FAM114A2: variants seen among roughly 807,000 people sequenced by gnomAD.
FAM114A2 encodes family with sequence similarity 114 member A2.
Under a neutral mutation model 58.4 loss-of-function variants are expected in FAM114A2, and 53 were observed. That is an observed-to-expected ratio of 0.91 (90% CI 0.73 to 1.14). The LOEUF is 1.14. FAM114A2 is among the 50% of genes most tolerant of loss of function. The pLI is 0.00. For missense variants in FAM114A2, 601 were observed against 581.1 expected (o/e 1.03, Z -0.35); for synonymous variants, 228 against 211.4 (o/e 1.08, Z -0.68).
At chr5:154,004,634 A>G (rs1315924149) in intron 9 of FAM114A2, among the ~76,000 whole-genome samples, 4 of 152,152 alleles carry the variant, frequency 2.6e-5, no homozygotes, top group Non-Finnish European at 5.9e-5. Context: ...CAGTTACCTG[A>G]GCCAAAATAT....
chr5:153,990,438 TGCC>T lies in FAM114A2; in HGVS notation c.*2535_*2537del, dbSNP rs1769209365. The T allele has an allele frequency of 6.6e-6, 1 of 150,768 alleles. No individual in the cohort carries two copies. The highest frequency in any genetic ancestry group is 6.6e-5 in the Admixed American group (1 of 15,106). The allele number at this position is 150,768 out of a possible 1,614,324, so 9.3% of individuals were successfully genotyped here. ...AGCACTGATTTCAGATTCATAGTAA[TGCC>T]ATCTATAAAAATTACAATTTCACAT... On this transcript the variant is annotated 3_prime_UTR_variant, in exon 14 of 14. Coordinates refer to ENST00000351797, the MANE Select transcript of FAM114A2 (RefSeq NM_018691.4).
chr5:153,995,047 A>AAC lies in FAM114A2; in HGVS notation c.1330-77_1330-76dup, dbSNP rs58913088. The AAC allele has an allele frequency of 4.2e-3, 3,606 of 863,076 alleles. 80 individuals carry two copies. In the African/African-American group the frequency reaches 0.052, roughly 13 times the overall value. 53.5% of individuals were successfully genotyped at this position (863,076 alleles called of 1,614,324 possible). A position where few individuals can be genotyped will look rare whatever the true frequency, so the allele number is the denominator to read the frequency against. ...TAAGTGGAGTACGATCACACTTTAAAACACACACACACACCCATACATAAA... is the reference window on the plus strand; with the variant it reads ...TAAGTGGAGTACGATCACACTTTAAAACACACACACACACACCCATACATAAA... On this transcript the variant is annotated intron_variant, in intron 12 of 13. Coordinates refer to ENST00000351797, the MANE Select transcript of FAM114A2 (RefSeq NM_018691.4).
At chr5:154,011,406 G>C in intron 8 of FAM114A2, 86 bp from the exon 9 acceptor site, 1 of 805,646 alleles carries the variant, frequency 1.2e-6, no homozygotes, top group Non-Finnish European at 2.1e-6. Context: ...GGAGAGGAGT[G>C]GTAATAGCAG....
chr5:154,003,368 G>A (rs1310293089), intron 9 of FAM114A2, among the ~76,000 whole-genome samples: 2 of 151,704 alleles, frequency 1.3e-5, no homozygotes, highest in African/African-American at 4.8e-5. Context: ...TAGTAGAGAC[G>A]GGGTTTCGCC....
chr5:154,003,027 G>C (rs927226884), intron 9 of FAM114A2, 58 bp from the exon 10 acceptor site: 7 of 1,523,422 alleles, frequency 4.6e-6, no homozygotes, highest in Middle Eastern at 3.4e-4. Context: ...AAATTACTGT[G>C]CACCTACCAG....
intron 1 of FAM114A2, chr5:154,036,184 C>A (rs541020053): frequency 3.5e-4 from 54 of 152,230 alleles, no homozygotes; most frequent in African/African-American, 1.3e-3. Flanking sequence ...TATAATTTAT[C>A]AATTTTTCCT....
chr5:154,028,014 C>A, intron 6 of FAM114A2, 135 bp downstream of exon 6: 4 of 690,856 alleles, frequency 5.8e-6, no homozygotes, highest in Non-Finnish European at 9.6e-6. Flanking sequence ...CATCCCTGAT[C>A]CCCCCAAAAA....
chr5:154,036,791 T>C (rs1334600707), intron 1 of FAM114A2: 1 of 152,236 alleles, frequency 6.6e-6, no homozygotes, highest in Non-Finnish European at 1.5e-5. Flanking sequence ...CAGATGTTTT[T>C]ATTTGGCCTG....
At chr5:154,016,072 C>A (rs898457997) in intron 8 of FAM114A2, among the ~76,000 whole-genome samples, 2 of 151,802 alleles carry the variant, frequency 1.3e-5, no homozygotes, top group African/African-American at 4.8e-5. Flanking sequence ...CCAACAAAGA[C>A]AAAAGAAAAA....
intron 2 of FAM114A2, among the ~76,000 whole-genome samples, 172 bp downstream of exon 2, chr5:154,034,572 C>G (rs908063204): frequency 6.6e-6 from 1 of 152,052 alleles, no homozygotes; most frequent in African/African-American, 2.4e-5. Flanking sequence ...ATAGCAAAAG[C>G]AATTATTCAT....
intron 13 of FAM114A2, 110 bp from the exon 14 acceptor site, chr5:153,993,220 T>G: frequency 2.2e-4 from 178 of 815,246 alleles, no homozygotes; most frequent in Non-Finnish European, 2.9e-4. Context: ...ACTGAATTCA[T>G]AGCCTGGCAA....
At chr5:154,037,463 G>A (rs1772650407) in intron 1 of FAM114A2, among the ~76,000 whole-genome samples, 1 of 152,206 alleles carries the variant, frequency 6.6e-6, no homozygotes. Context: ...TACCTGTGGA[G>A]ATAGAGAACT....
chr5:154,016,312 A>C (rs1771038117), intron 8 of FAM114A2, among the ~76,000 whole-genome samples: 1 of 152,180 alleles, frequency 6.6e-6, no homozygotes, highest in Admixed American at 6.5e-5. Flanking sequence ...GGCACATTGT[A>C]ATCTGGTTAT....
chr5:154,024,823 C>T (rs1368967878), intron 8 of FAM114A2, among the ~76,000 whole-genome samples: 1 of 152,102 alleles, frequency 6.6e-6, no homozygotes, highest in African/African-American at 2.4e-5. Flanking sequence ...AATGCTGACA[C>T]ATTTCCTTGT....
At chr5:154,025,132 C>T (rs1389924590) in intron 8 of FAM114A2, among the ~76,000 whole-genome samples, 1 of 152,074 alleles carries the variant, frequency 6.6e-6, no homozygotes, top group Non-Finnish European at 1.5e-5. Flanking sequence ...CATAGTTCAG[C>T]TCACAACTCA....
intron 8 of FAM114A2, among the ~76,000 whole-genome samples, chr5:154,020,596 AAAG>A (rs1050637372): frequency 3.9e-5 from 6 of 152,150 alleles, no homozygotes; most frequent in Admixed American, 2.0e-4. Flanking sequence ...ACTAAACCAG[AAAG>A]AAGTTGAATC....
At chr5:154,011,063 T>G (rs945465409) in intron 9 of FAM114A2, among the ~76,000 whole-genome samples, 178 bp downstream of exon 9, 12 of 152,156 alleles carry the variant, frequency 7.9e-5, no homozygotes, top group Admixed American at 6.5e-4. Flanking sequence ...AGATGTGGCT[T>G]CAACACACTA....
intron 1 of FAM114A2, chr5:154,038,331 G>C (rs542370554): frequency 2.6e-5 from 4 of 152,162 alleles, no homozygotes; most frequent in Admixed American, 1.3e-4. Context: ...CTAAGAGCAC[G>C]GGCTCTGGAG....
chr5:154,030,337 T>C (rs1387949396), intron 4 of FAM114A2, among the ~76,000 whole-genome samples: 1 of 152,192 alleles, frequency 6.6e-6, no homozygotes, highest in East Asian at 1.9e-4. Context: ...TTATACCAAA[T>C]AATTTCAGTA....
Sources: allele counts gnomAD v4.1 joint callset (sites outside exome capture counted in the v4.1 genomes callset), GRCh38; gene constraint gnomAD v4.1.1; transcripts MANE v1.5; gene names NCBI Gene and HGNC (gene_info 2026-07-23, HGNC 2026-07-21).